Variants in TSHZ1 observed in about 807,000 individuals in gnomAD.
TSHZ1 encodes teashirt homolog 1.
A neutral mutation model predicts 67.1 loss-of-function variants in TSHZ1; 12 were observed. That is an observed-to-expected ratio of 0.18 (90% CI 0.11 to 0.29). The LOEUF (loss-of-function observed/expected upper bound fraction) is 0.29. Ranked by LOEUF, TSHZ1 falls within the 10% of genes least tolerant of loss-of-function variation. TSHZ1 has a pLI of 1.00. For missense variants in TSHZ1, 1,305 were observed against 1,413.9 expected (o/e 0.92, Z 1.23); for synonymous variants, 632 against 622.4 (o/e 1.02, Z -0.23).
At chr18:75,279,416 G>A (rs899896079) in intron 1 of TSHZ1, among the ~76,000 whole-genome samples, 12 of 152,240 alleles carry the variant, frequency 7.9e-5, no homozygotes, top group Non-Finnish European at 1.8e-4. Context: ...GGCAAGGACA[G>A]CAGTGAGCAA....
At position 75,285,503 on chromosome 18, in the gene TSHZ1, G is replaced by A. The variant is rs370816941; in HGVS notation, c.96G>A (p.Glu32=). 4.4e-5 allele frequency: 68 copies of A among 1,530,402 alleles called. No homozygotes were observed. Among genetic ancestry groups the A allele is most frequent in the Non-Finnish European group, 5.6e-5 (64 of 1,135,568 alleles). The allele number at this position is 1,530,402 out of a possible 1,614,324, so 94.8% of individuals were successfully genotyped here. Residue 32 remains glutamate (E), a synonymous_variant, in exon 2 of 2, where the codon GAG becomes GAA. Coordinates refer to ENST00000580243, the MANE Select transcript of TSHZ1 (RefSeq NM_001308210.2). The part of the protein sequence containing the change: ...KAAEIDEEHV[E]DDGLSLDIQE... ...CAGAAATAGATGAAGAGCACGTGGAGGATGACGGGCTGTCTTTGGACATTC... is the reference window on the plus strand; with the variant it reads ...CAGAAATAGATGAAGAGCACGTGGAAGATGACGGGCTGTCTTTGGACATTC...
At chr18:75,251,710 G>T (rs191881138) in intron 1 of TSHZ1, among the ~76,000 whole-genome samples, 210 of 152,150 alleles carry the variant, frequency 1.4e-3, no homozygotes, top group Non-Finnish European at 2.2e-3. Flanking sequence ...TTACACGTGA[G>T]GGGGGAGCAA....
At chr18:75,252,851 A>G (rs1299917561) in intron 1 of TSHZ1, among the ~76,000 whole-genome samples, 2 of 152,134 alleles carry the variant, frequency 1.3e-5, no homozygotes, top group Admixed American at 1.3e-4. Flanking sequence ...ATAAAATACA[A>G]TTTAAATAAT....
intron 1 of TSHZ1, among the ~76,000 whole-genome samples, chr18:75,254,289 AG>A (rs1413975344): frequency 2.6e-5 from 4 of 152,256 alleles, no homozygotes; most frequent in Admixed American, 2.6e-4. Context: ...ATGGGACTAC[AG>A]GATGCTTTAA....
At chr18:75,237,793 TTTA>T (rs1336115509) in intron 1 of TSHZ1, among the ~76,000 whole-genome samples, 9 of 144,932 alleles carry the variant, frequency 6.2e-5, no homozygotes, top group East Asian at 3.9e-4. Flanking sequence ...CTTTCTTTCA[TTTA>T]TTTATTTATT....
intron 1 of TSHZ1, among the ~76,000 whole-genome samples, chr18:75,215,260 A>T (rs566365695): frequency 2.2e-4 from 34 of 152,344 alleles, no homozygotes; most frequent in African/African-American, 7.7e-4. Flanking sequence ...TCTGTACCAG[A>T]GAATGTCGCT....
intron 1 of TSHZ1, among the ~76,000 whole-genome samples, chr18:75,246,494 A>G (rs144957896): frequency 2.0e-5 from 3 of 148,370 alleles, no homozygotes; most frequent in African/African-American, 7.5e-5. Context: ...GGTCCATCAA[A>G]ACACACCCCA....
chr18:75,251,515 G>C (rs1255039980), intron 1 of TSHZ1, among the ~76,000 whole-genome samples: 2 of 100,716 alleles, frequency 2.0e-5, no homozygotes, highest in African/African-American at 7.4e-5. Flanking sequence ...TTTTGACATT[G>C]CTTGGTCAAG....
In TSHZ1 at chr18:75,212,332, A is replaced by G. The variant is rs553298535; in HGVS notation, c.40+416A>G. Among the ~76,000 whole-genome samples, 13 of 152,228 alleles carry G rather than the reference A, an allele frequency of 8.5e-5. No homozygotes were observed. The South Asian group carries it at 2.7e-3, about 32-fold the overall frequency. On this transcript the variant is annotated intron_variant, in intron 1 of 1. Coordinates refer to ENST00000580243, the MANE Select transcript of TSHZ1 (RefSeq NM_001308210.2). ...TTGAAAACAAGGTCACCAGGCTGGG[A>G]CGCAAAGAATGTGTTCAGAAGATTT...
At position 75,239,327 on chromosome 18, in the gene TSHZ1, G is replaced by A. The variant is rs542620397; in HGVS notation, c.40+27411G>A. Among the ~76,000 whole-genome samples the A allele has an allele frequency of 3.3e-5, 5 of 152,262 alleles. No homozygotes were observed. The South Asian group carries it at 1.0e-3, about 32-fold the overall frequency. On this transcript the variant is annotated intron_variant, in intron 1 of 1. Coordinates refer to ENST00000580243, the MANE Select transcript of TSHZ1 (RefSeq NM_001308210.2). ...TATTTTATTTTGATTAAAATCTCAG[G>A]GGAGCCTCAAATGCATTTCTTAAGA...
In TSHZ1 at chr18:75,281,986, G is replaced by T. The variant is rs1039522158; in HGVS notation, c.41-3462G>T. Among the ~76,000 whole-genome samples the T allele has an allele frequency of 4.6e-5, 7 of 152,120 alleles. No homozygotes were observed. Among genetic ancestry groups the T allele is most frequent in the African/African-American group, 1.7e-4 (7 of 41,432 alleles). ...ACATGAGTCCCCGTCCCTAGGGCAGGGACTTTATGGACCCCCTCCTTCGAC... is the reference window on the plus strand; with the variant it reads ...ACATGAGTCCCCGTCCCTAGGGCAGTGACTTTATGGACCCCCTCCTTCGAC... On this transcript the variant is annotated intron_variant, in intron 1 of 1. Transcript: ENST00000580243. The surrounding 1 kb of genome is among the most constrained non-coding windows in gnomAD (Gnocchi z 5.3).
At chr18:75,262,088 GA>G in intron 1 of TSHZ1, among the ~76,000 whole-genome samples, 1 of 152,304 alleles carries the variant, frequency 6.6e-6, no homozygotes, top group Middle Eastern at 3.4e-3. Context: ...AGCCAGTTGA[GA>G]GATGCAAAAC....
At chr18:75,234,078 T>C (rs2023034459) in intron 1 of TSHZ1, among the ~76,000 whole-genome samples, 1 of 152,192 alleles carries the variant, frequency 6.6e-6, no homozygotes, top group African/African-American at 2.4e-5. Flanking sequence ...TAATTTTAGA[T>C]GGGCTCCCCT....
intron 1 of TSHZ1, among the ~76,000 whole-genome samples, chr18:75,240,272 C>A (rs1568357271): frequency 6.6e-6 from 1 of 152,084 alleles, no homozygotes; most frequent in East Asian, 1.9e-4. Context: ...CAATTTCTGC[C>A]TGAAAGTGAT....
At chr18:75,263,570 A>G (rs985119683) in intron 1 of TSHZ1, among the ~76,000 whole-genome samples, 1 of 152,218 alleles carries the variant, frequency 6.6e-6, no homozygotes, top group Non-Finnish European at 1.5e-5. Flanking sequence ...TGATGGTGCC[A>G]AGAGACAGTA....
At chr18:75,280,859 G>A in intron 1 of TSHZ1, 4 of 979,012 alleles carry the variant, frequency 4.1e-6, no homozygotes, top group Non-Finnish European at 4.9e-6. Flanking sequence ...TCCGTGAGGG[G>A]ATTGAGAGGG....
At chr18:75,273,531 A>T (rs1165573464) in intron 1 of TSHZ1, among the ~76,000 whole-genome samples, 1 of 152,230 alleles carries the variant, frequency 6.6e-6, no homozygotes, top group East Asian at 1.9e-4. Flanking sequence ...TGAGAAACAT[A>T]ATTTTTATCT....
chr18:75,263,790 C>T (rs772883516), intron 1 of TSHZ1, among the ~76,000 whole-genome samples: 5 of 152,124 alleles, frequency 3.3e-5, no homozygotes, highest in African/African-American at 4.8e-5. Flanking sequence ...ACAAAATGAC[C>T]TTTTACTAAG....
rs1041916249 is a variant in TSHZ1, at chr18:75,289,656, A to G, written c.*1015A>G. On this transcript the variant is annotated 3_prime_UTR_variant, in exon 2 of 2. Coordinates refer to ENST00000580243, the MANE Select transcript of TSHZ1 (RefSeq NM_001308210.2). ...TTTTAACTTTTTATATTGTCATTTT[A>G]TATTAAATTTCTGTGTATATAATGT... is the stretch of plus-strand genomic sequence containing the variant. 3.0e-5 allele frequency: 5 copies of G among 167,028 alleles called. No individual in the cohort carries two copies. Among genetic ancestry groups the G allele is most frequent in the African/African-American group, 1.2e-4 (5 of 41,422 alleles). The allele number at this position is 167,028 out of a possible 1,614,324, so 10.3% of individuals were successfully genotyped here.
Sources: allele counts gnomAD v4.1 joint callset (sites outside exome capture counted in the v4.1 genomes callset), GRCh38; gene constraint gnomAD v4.1.1; non-coding constraint Gnocchi (gnomAD v3.1); transcripts MANE v1.5; gene names NCBI Gene and HGNC (gene_info 2026-07-23, HGNC 2026-07-21).